Variants in CXADR observed in about 807,000 individuals in gnomAD.
CXADR encodes the protein CXADR cell adhesion molecule.
CXADR carries 20 observed loss-of-function variants against 40.3 expected under a neutral mutation model. The observed-to-expected ratio is 0.50, with a 90% CI of 0.35 to 0.72. CXADR has a LOEUF of 0.72. Among genes scored for constraint, CXADR ranks in the 30% least tolerant of loss-of-function variants. The pLI is 0.01. For missense variants in CXADR, 332 were observed against 449.1 expected (o/e 0.74, Z 2.36); for synonymous variants, 150 against 161.3 (o/e 0.93, Z 0.53).
intron 4 of CXADR, among the ~76,000 whole-genome samples, chr21:17,560,033 A>G (rs1459868400): frequency 6.6e-6 from 1 of 151,958 alleles, no homozygotes; most frequent in Non-Finnish European, 1.5e-5. Flanking sequence ...GCTAAAGTAT[A>G]GTAAGAGTTG....
chr21:17,616,330 A>G, the CXADR span, among the ~76,000 whole-genome samples: 5 of 149,452 alleles, frequency 3.3e-5, no homozygotes, highest in South Asian at 2.1e-4. Context: ...TCTGAATACA[A>G]AAGTCTTTTT....
chr21:17,579,286 TTTTC>T (rs1010490453), intron 7 of CXADR, among the ~76,000 whole-genome samples: 48 of 84,848 alleles, frequency 5.7e-4, no homozygotes, highest in Non-Finnish European at 7.7e-4. Flanking sequence ...CTTTCTTCTC[TTTTC>T]TTTTTTTTTT....
chr21:17,633,362 C>T, the CXADR span, among the ~76,000 whole-genome samples: 2 of 152,062 alleles, frequency 1.3e-5, no homozygotes, highest in African/African-American at 4.8e-5. Context: ...CCTAGGAGTC[C>T]GAGACCAGCC....
chr21:17,536,229 A>G (rs985767212), intron 1 of CXADR, among the ~76,000 whole-genome samples: 5 of 152,214 alleles, frequency 3.3e-5, no homozygotes, highest in African/African-American at 1.2e-4. Flanking sequence ...AGTTTTTCTT[A>G]ACATACTTCT....
intron 1 of CXADR, among the ~76,000 whole-genome samples, chr21:17,541,029 CT>C (rs2060820377): frequency 6.6e-6 from 1 of 152,086 alleles, no homozygotes; most frequent in South Asian, 2.1e-4. Context: ...CAGAGTTCCC[CT>C]GTACCCCTTT....
intron 7 of CXADR, among the ~76,000 whole-genome samples, chr21:17,577,678 C>A: frequency 8.1e-6 from 1 of 124,202 alleles, no homozygotes. Context: ...ATTTAAGAAA[C>A]CTTGGTAAGG....
chr21:17,553,084 G>C (rs2060989735), intron 3 of CXADR, among the ~76,000 whole-genome samples: 1 of 152,054 alleles, frequency 6.6e-6, no homozygotes, highest in African/African-American at 2.4e-5. Flanking sequence ...CACCACGCCT[G>C]GCTAATTTTT....
chr21:17,519,981 ACACACACACACGCACGCACATG>A (rs1256923723), intron 1 of CXADR, among the ~76,000 whole-genome samples: 7 of 151,962 alleles, frequency 4.6e-5, no homozygotes, highest in African/African-American at 1.4e-4. Context: ...ATGTATACAC[ACACACACACACGCACGCACATG>A]CACACACACA....
chr21:17,516,611 T>C (rs1312355981), intron 1 of CXADR, among the ~76,000 whole-genome samples: 1 of 152,214 alleles, frequency 6.6e-6, no homozygotes, highest in Admixed American at 6.5e-5. Context: ...TCTTGTTAGC[T>C]ATTTGATGGT....
exon 8 of CXADR, chr21:17,593,206 G>T: frequency 3.5e-6 from 5 of 1,436,148 alleles, no homozygotes; most frequent in Non-Finnish European, 4.6e-6. Context: ...ATGGACTACT[G>T]AAGAATCTGA....
the CXADR span, among the ~76,000 whole-genome samples, chr21:17,605,543 T>TGATTAAATG: frequency 1.3e-5 from 2 of 152,202 alleles, no homozygotes; most frequent in East Asian, 3.8e-4. Flanking sequence ...TCATATCATA[T>TGATTAAATG]ACTTATGATT....
chr21:17,520,027 A>G (rs960888583), intron 1 of CXADR, among the ~76,000 whole-genome samples: 2 of 151,962 alleles, frequency 1.3e-5, no homozygotes, highest in Non-Finnish European at 2.9e-5. Flanking sequence ...ATATATATAA[A>G]ATATATATTT....
chr21:17,522,312 G>A (rs575489070), intron 1 of CXADR, among the ~76,000 whole-genome samples: 17 of 148,414 alleles, frequency 1.1e-4, no homozygotes, highest in Middle Eastern at 6.9e-3. Context: ...CCACGCCTGG[G>A]TAATTTTGTA....
downstream of CXADR, chr21:17,593,798 A>G (rs1270728950): frequency 7.2e-6 from 2 of 276,768 alleles, no homozygotes; most frequent in Non-Finnish European, 1.3e-5. Context: ...CAAATCGTCC[A>G]CTTCTACAGT....
chr21:17,570,245 A>T (rs1281469358), downstream of CXADR: 2 of 910,340 alleles, frequency 2.2e-6, no homozygotes, highest in Admixed American at 1.2e-4. Context: ...TGCGACAATC[A>T]TATTAATACA....
In CXADR at chr21:17,565,655, T is replaced by C. The variant is rs200893570; in HGVS notation, c.1061T>C (p.Met354Thr). ...NLSRMGAIPVMIPAQSKDGSI... is the reference protein window; with the variant it reads ...NLSRMGAIPVTIPAQSKDGSI... The stretch of plus-strand genomic sequence containing the variant: ...AGTCGAATGGGTGCGATTCCTGTGA[T>C]GATTCCAGCACAGAGCAAGGATGGG... Residue 354 changes from methionine (M) to threonine (T), a missense_variant, in exon 7 of 7, where the codon ATG becomes ACG. This residue lies in a region of CXADR where 150 missense variants were observed against 194.2 expected (regional missense o/e 0.77). Coordinates refer to ENST00000284878, the MANE Select transcript of CXADR (RefSeq NM_001338.5). 32 of 1,611,936 alleles carry C rather than the reference T, an allele frequency of 2.0e-5. No individual in the cohort carries two copies. The highest frequency in any genetic ancestry group is 2.7e-5 in the Non-Finnish European group (32 of 1,179,848).
intron 1 of CXADR, among the ~76,000 whole-genome samples, chr21:17,533,495 C>T (rs1199579415): frequency 6.6e-6 from 1 of 152,140 alleles, no homozygotes; most frequent in Non-Finnish European, 1.5e-5. Flanking sequence ...GAGTGTGGCT[C>T]CAGAATCAGT....
At chr21:17,626,604 G>A in the CXADR span, among the ~76,000 whole-genome samples, 1 of 152,158 alleles carries the variant, frequency 6.6e-6, no homozygotes, top group East Asian at 1.9e-4. Context: ...ATAAGTCCCT[G>A]CTGATAAGAA....
chr21:17,578,626 C>G (rs941542556), intron 7 of CXADR, among the ~76,000 whole-genome samples: 6 of 152,068 alleles, frequency 3.9e-5, no homozygotes, highest in Admixed American at 3.9e-4. Context: ...CCCAGGAGTT[C>G]GAGACCAGTC....
Sources: allele counts gnomAD v4.1 joint callset (sites outside exome capture counted in the v4.1 genomes callset), GRCh38; gene constraint gnomAD v4.1.1; regional missense constraint gnomAD v4.1.1; transcripts MANE v1.5; gene names NCBI Gene and HGNC (gene_info 2026-07-23, HGNC 2026-07-21).